The following RPTOR variants were observed in gnomAD, a reference collection of about 807,000 sequenced individuals.
The protein encoded by RPTOR is regulatory-associated protein of mTOR.
Under a neutral mutation model 169.9 loss-of-function variants are expected in RPTOR, and 21 were observed. The observed-to-expected ratio is 0.12, with a 90% CI of 0.09 to 0.18. RPTOR has a LOEUF of 0.18. Ranked by LOEUF, RPTOR falls within the 10% of genes least tolerant of loss-of-function variation. RPTOR has a pLI of 1.00. For synonymous variants in RPTOR, 732 were observed against 753.2 expected, an observed-to-expected ratio of 0.97 and a Z score of 0.46; for missense variants, 1,133 against 1,855.9, an observed-to-expected ratio of 0.61 and a Z score of 7.16.
At chr17:80,682,792 C>CTT (rs35739205) in intron 3 of RPTOR, among the ~76,000 whole-genome samples, 5 of 151,072 alleles carry the variant, frequency 3.3e-5, no homozygotes, top group African/African-American at 1.2e-4. Context: ...AATTTGTTTC[C>CTT]TTTTTTTTTC....
intron 20 of RPTOR, among the ~76,000 whole-genome samples, chr17:80,908,508 T>C (rs1198493608): frequency 6.6e-6 from 1 of 152,090 alleles, no homozygotes; most frequent in Non-Finnish European, 1.5e-5. Flanking sequence ...CCTCCGGGAG[T>C]GTGGTCATGC....
chr17:80,634,938 C>T lies in RPTOR; in HGVS notation c.266-8790C>T, dbSNP rs76924848. Among the ~76,000 whole-genome samples the T allele has an allele frequency of 7.9e-3, 1,202 of 152,224 alleles. 26 individuals carry two copies. The highest frequency in any genetic ancestry group is 0.028 in the African/African-American group (1,150 of 41,510). On this transcript the variant is annotated intron_variant, in intron 2 of 33. Transcript: ENST00000306801. ...ATACTGTGTGTGCATACCGCGTGTG[C>T]ATACTATGTGCGTGTGCTTCTCTCT...
chr17:80,587,930 C>A (rs902529734), intron 1 of RPTOR, among the ~76,000 whole-genome samples: 1 of 152,112 alleles, frequency 6.6e-6, no homozygotes, highest in Non-Finnish European at 1.5e-5. Context: ...CTCCCCTACC[C>A]CTTCCACCCA....
At chr17:80,778,732 A>G (rs1361215512) in intron 6 of RPTOR, among the ~76,000 whole-genome samples, 2 of 152,148 alleles carry the variant, frequency 1.3e-5, no homozygotes, top group African/African-American at 4.8e-5. Context: ...CCGGGAGTTC[A>G]CCACTACCGT....
At chr17:80,648,374 A>G (rs1192354823) in intron 3 of RPTOR, among the ~76,000 whole-genome samples, 1 of 151,982 alleles carries the variant, frequency 6.6e-6, no homozygotes, top group Non-Finnish European at 1.5e-5. Flanking sequence ...GTGTAATTCC[A>G]TGTTGTTTAG....
At chr17:80,561,263 G>GTATATATATATATATATATATA (rs1555713889) in intron 1 of RPTOR, among the ~76,000 whole-genome samples, 65 of 19,614 alleles carry the variant, frequency 3.3e-3, no homozygotes, top group African/African-American at 5.9e-3. Flanking sequence ...ATATATATAT[G>GTATATATATATATATATATATA]TATATATATA....
intron 11 of RPTOR, among the ~76,000 whole-genome samples, chr17:80,848,904 G>A (rs1178277810): frequency 1.3e-5 from 2 of 152,228 alleles, no homozygotes; most frequent in African/African-American, 2.4e-5. Flanking sequence ...TGATGGTGAC[G>A]TATGCGAAGA....
At chr17:80,752,188 C>T (rs144334350) in intron 5 of RPTOR, among the ~76,000 whole-genome samples, 4 of 152,234 alleles carry the variant, frequency 2.6e-5, no homozygotes, top group Non-Finnish European at 5.9e-5. Flanking sequence ...TTCCCTGTCT[C>T]TTTCTGTCCC....
In RPTOR at chr17:80,957,537, G is replaced by A. The variant is rs971583095; in HGVS notation, c.3371-87G>A. 1.9e-5 allele frequency: 24 copies of A among 1,266,448 alleles called. No individual in the cohort carries two copies. Among genetic ancestry groups the A allele is most frequent in the Non-Finnish European group, 2.7e-5 (23 of 867,110 alleles). 78.5% of individuals were successfully genotyped at this position (1,266,448 alleles called of 1,614,324 possible). Reference sequence around the variant, plus strand: ...GTGGCAGGGGTACCTTGTAGCTGCTGGCCAAATTGCTGCCCAGAGCAGGCC... The same window carrying A: ...GTGGCAGGGGTACCTTGTAGCTGCTAGCCAAATTGCTGCCCAGAGCAGGCC... On this transcript the variant is annotated intron_variant, in intron 28 of 33. Transcript: ENST00000306801. This position sits in a 1 kb window ranked among gnomAD's most constrained non-coding sequence, Gnocchi z 4.6.
At chr17:80,826,857 T>C (rs1598334001) in intron 9 of RPTOR, among the ~76,000 whole-genome samples, 1 of 152,278 alleles carries the variant, frequency 6.6e-6, no homozygotes, top group Non-Finnish European at 1.5e-5. Flanking sequence ...ATGGCCTGGG[T>C]GGCTTTGGGG....
At chr17:80,629,902 C>T (rs1032026058) in intron 2 of RPTOR, among the ~76,000 whole-genome samples, 1 of 152,094 alleles carries the variant, frequency 6.6e-6, no homozygotes, top group Non-Finnish European at 1.5e-5. Context: ...ATGTATTGCG[C>T]TGTTGGACAT....
At chr17:80,550,936 G>A (rs2084336300) in intron 1 of RPTOR, among the ~76,000 whole-genome samples, 1 of 152,150 alleles carries the variant, frequency 6.6e-6, no homozygotes, top group African/African-American at 2.4e-5. Context: ...TTCTCAGGCT[G>A]GAGTGCAATG....
chr17:80,907,959 T>C (rs2143931178), intron 20 of RPTOR, among the ~76,000 whole-genome samples: 1 of 152,318 alleles, frequency 6.6e-6, no homozygotes, highest in South Asian at 2.1e-4. Flanking sequence ...CACGCTGTCG[T>C]GGACGTAGCA....
chr17:80,776,665 C>T (rs1487993243), intron 6 of RPTOR, among the ~76,000 whole-genome samples: 2 of 152,120 alleles, frequency 1.3e-5, no homozygotes, highest in Admixed American at 6.5e-5. Flanking sequence ...AATTACACGG[C>T]CCCAAATCAC....
At chr17:80,627,625 G>A (rs759322333) in intron 2 of RPTOR, among the ~76,000 whole-genome samples, 8 of 152,064 alleles carry the variant, frequency 5.3e-5, no homozygotes, top group Admixed American at 3.9e-4. Flanking sequence ...GTGTAGCTAC[G>A]TGCATTAGTA....
At chr17:80,743,527 G>C (rs1014833783) in intron 5 of RPTOR, 1 of 867,810 alleles carries the variant, frequency 1.2e-6, no homozygotes, top group Non-Finnish European at 1.4e-6. Flanking sequence ...TGCCAGGTCT[G>C]AAAGAGGTCA....
intron 3 of RPTOR, among the ~76,000 whole-genome samples, chr17:80,652,169 TA>T (rs761547941): frequency 0.015 from 2,119 of 139,108 alleles, 32 homozygotes; most frequent in African/African-American, 0.038. Context: ...GACTCCATCT[TA>T]AAAAAAAAAA....
intron 6 of RPTOR, among the ~76,000 whole-genome samples, chr17:80,778,186 C>G (rs1378610772): frequency 6.6e-6 from 1 of 152,198 alleles, no homozygotes; most frequent in Admixed American, 6.5e-5. Flanking sequence ...CCGCAAGGTG[C>G]TAGGCCAGTG....
At chr17:80,846,147 C>G (rs2067727432) in intron 10 of RPTOR, among the ~76,000 whole-genome samples, 1 of 152,252 alleles carries the variant, frequency 6.6e-6, no homozygotes, top group Admixed American at 6.5e-5. Context: ...ACTCCCTTGT[C>G]CAGCCACTGT....
Sources: allele counts gnomAD v4.1 joint callset (sites outside exome capture counted in the v4.1 genomes callset), GRCh38; gene constraint gnomAD v4.1.1; non-coding constraint Gnocchi (gnomAD v3.1); transcripts MANE v1.5; gene names NCBI Gene and HGNC (gene_info 2026-07-23, HGNC 2026-07-21).